KCNB2: variants seen among roughly 807,000 people sequenced by gnomAD.
The protein encoded by KCNB2 is delayed rectifier potassium channel protein.
A neutral mutation model predicts 61.5 loss-of-function variants in KCNB2; 15 were observed. The ratio of observed to expected loss-of-function variants is 0.24; its 90% CI spans 0.16 to 0.38. KCNB2 has a LOEUF of 0.38. Ranked by LOEUF, KCNB2 falls within the 10% of genes least tolerant of loss-of-function variation. The pLI is 1.00. For missense variants in KCNB2, 828 were observed against 1,125.2 expected (o/e 0.74, Z 3.78); for synonymous variants, 457 against 446.0 (o/e 1.02, Z -0.31).
At chr8:72,904,016 G>A (rs915232433) in intron 2 of KCNB2, among the ~76,000 whole-genome samples, 1 of 152,082 alleles carries the variant, frequency 6.6e-6, no homozygotes, top group African/African-American at 2.4e-5. Context: ...AGTAAAAATA[G>A]ATCTCTGGGT....
intron 2 of KCNB2, among the ~76,000 whole-genome samples, chr8:72,774,100 CT>C (rs953814836): frequency 4.6e-5 from 7 of 152,176 alleles, no homozygotes; most frequent in African/African-American, 1.4e-4. Context: ...GAGATTGTTA[CT>C]GTTATTAACC....
chr8:72,543,301 A>G (rs890191660), intron 1 of KCNB2, among the ~76,000 whole-genome samples: 9 of 152,234 alleles, frequency 5.9e-5, no homozygotes, highest in Non-Finnish European at 1.2e-4. Context: ...AGATATAACT[A>G]CACTAAAAGA....
Position 72,604,773 on chromosome 8 carries a change from T to C in KCNB2, c.579+36460T>C, listed in dbSNP as rs532140662. On this transcript the variant is annotated intron_variant, in intron 2 of 2. Transcript: ENST00000523207. ...GTTTTAAATTTTGTGTCCTTTCACT[T>C]AGACTCCAAAGGTCATCCCTATCTT... Among the ~76,000 whole-genome samples, 202 of 152,338 alleles carry C rather than the reference T, an allele frequency of 1.3e-3. 2 individuals are homozygous for C. The highest frequency in any genetic ancestry group is 2.3e-3 in the Non-Finnish European group (155 of 68,020).
chr8:72,904,390 AGGAAGAATAACTTGTG>A (rs1302175929), intron 2 of KCNB2, among the ~76,000 whole-genome samples: 3 of 152,126 alleles, frequency 2.0e-5, no homozygotes, highest in African/African-American at 7.2e-5. Context: ...GGAGAGGATC[AGGAAGAATAACTTGTG>A]GGTGCTGGGA....
At chr8:72,894,983 A>G (rs1464949335) in intron 2 of KCNB2, among the ~76,000 whole-genome samples, 1 of 152,128 alleles carries the variant, frequency 6.6e-6, no homozygotes, top group Non-Finnish European at 1.5e-5. Flanking sequence ...CTGAGATCAT[A>G]AATATTCCTG....
chr8:72,778,356 C>T (rs1808692266), intron 2 of KCNB2, among the ~76,000 whole-genome samples: 1 of 152,124 alleles, frequency 6.6e-6, no homozygotes, highest in Non-Finnish European at 1.5e-5. Context: ...AGTTACCTCA[C>T]CTTCCTTGAG....
chr8:72,623,973 C>T (rs547910901), intron 2 of KCNB2, among the ~76,000 whole-genome samples: 1 of 152,200 alleles, frequency 6.6e-6, no homozygotes, highest in South Asian at 2.1e-4. Flanking sequence ...TTGAGTGCTT[C>T]CTGATCGGTG....
intron 2 of KCNB2, among the ~76,000 whole-genome samples, chr8:72,881,991 A>C (rs1329044103): frequency 2.0e-5 from 3 of 152,218 alleles, no homozygotes; most frequent in Non-Finnish European, 4.4e-5. Flanking sequence ...GGCTGGGAAA[A>C]TGTACAGTTC....
intron 2 of KCNB2, among the ~76,000 whole-genome samples, chr8:72,848,343 C>CT (rs549249451): frequency 4.3e-4 from 66 of 152,252 alleles, no homozygotes; most frequent in African/African-American, 1.2e-3. Context: ...TTAGGACATA[C>CT]TTTACAGCAG....
chr8:72,855,182 T>C (rs2129003592), intron 2 of KCNB2, among the ~76,000 whole-genome samples: 1 of 152,294 alleles, frequency 6.6e-6, no homozygotes, highest in South Asian at 2.1e-4. Context: ...GAATCCATCG[T>C]CCACAGTAGC....
intron 2 of KCNB2, among the ~76,000 whole-genome samples, chr8:72,812,532 A>T (rs1384019647): frequency 6.6e-6 from 1 of 152,074 alleles, no homozygotes; most frequent in Non-Finnish European, 1.5e-5. Context: ...AAAAATATAG[A>T]TATATATTTA....
intron 2 of KCNB2, among the ~76,000 whole-genome samples, chr8:72,825,642 G>T (rs2033917): frequency 6.6e-6 from 1 of 152,090 alleles, no homozygotes; most frequent in Non-Finnish European, 1.5e-5. Flanking sequence ...TTCCCTGATG[G>T]CTAATGATGG....
At chr8:72,651,782 A>G (rs558542131) in intron 2 of KCNB2, among the ~76,000 whole-genome samples, 2 of 152,262 alleles carry the variant, frequency 1.3e-5, no homozygotes, top group East Asian at 1.9e-4. Context: ...TCATGATACA[A>G]TAACATTGAA....
At position 72,703,287 on chromosome 8, in the gene KCNB2, G is replaced by A. The variant is rs113189835; in HGVS notation, c.579+134974G>A. 1.6e-3 allele frequency among the ~76,000 whole-genome samples: 251 copies of A among 152,288 alleles called. 2 individuals are homozygous for A. Among genetic ancestry groups the A allele is most frequent in the African/African-American group, 5.6e-3 (232 of 41,548 alleles). ...AGTAGCAAGGTTCAGCTTCTGGGAA[G>A]CCTCTCAAAGATGGAGATTGGCAGG... is the stretch of plus-strand genomic sequence containing the variant. On this transcript the variant is annotated intron_variant, in intron 2 of 2. Coordinates refer to ENST00000523207, the MANE Select transcript of KCNB2 (RefSeq NM_004770.3).
intron 2 of KCNB2, among the ~76,000 whole-genome samples, chr8:72,837,511 T>C (rs1349450502): frequency 6.6e-6 from 1 of 152,236 alleles, no homozygotes; most frequent in East Asian, 1.9e-4. Flanking sequence ...TTTTCATCGA[T>C]CAGATTACTT....
At chr8:72,881,914 C>T (rs1378367038) in intron 2 of KCNB2, among the ~76,000 whole-genome samples, 3 of 152,124 alleles carry the variant, frequency 2.0e-5, no homozygotes, top group African/African-American at 7.2e-5. Context: ...CACTGAAAGG[C>T]CATTAAATTT....
intron 2 of KCNB2, among the ~76,000 whole-genome samples, chr8:72,839,097 A>G (rs1465619490): frequency 6.6e-6 from 1 of 152,174 alleles, no homozygotes; most frequent in Non-Finnish European, 1.5e-5. Context: ...TCATTATCCA[A>G]ATACAATTAT....
chr8:72,864,067 A>C (rs1805468291), intron 2 of KCNB2, among the ~76,000 whole-genome samples: 1 of 152,096 alleles, frequency 6.6e-6, no homozygotes, highest in Admixed American at 6.5e-5. Flanking sequence ...CAGAGGAGGG[A>C]AAAACCACTG....
chr8:72,632,714 G>A (rs1232138891), intron 2 of KCNB2, among the ~76,000 whole-genome samples: 1 of 152,116 alleles, frequency 6.6e-6, no homozygotes, highest in Non-Finnish European at 1.5e-5. Context: ...TTAATTAGAA[G>A]TCAGAACCAA....
Sources: gnomAD v4.1 joint callset for allele counts (sites outside exome capture counted in the v4.1 genomes callset) on GRCh38, gnomAD v4.1.1 for gene constraint, MANE v1.5 for transcripts, NCBI Gene and HGNC (gene_info 2026-07-23, HGNC 2026-07-21) for gene names.